Variants in TMC7 observed in about 807,000 individuals in gnomAD.
TMC7 encodes transmembrane channel-like protein 7.
TMC7 carries 54 observed loss-of-function variants against 82.9 expected under a neutral mutation model. The ratio of observed to expected loss-of-function variants is 0.65; its 90% CI spans 0.52 to 0.82. The LOEUF (loss-of-function observed/expected upper bound fraction) is 0.82. Among genes scored for constraint, TMC7 ranks in the 40% least tolerant of loss-of-function variants. The pLI is 0.00. For synonymous variants in TMC7, 350 were observed against 337.9 expected, an observed-to-expected ratio of 1.04 and a Z score of -0.39; for missense variants, 820 against 901.2, an observed-to-expected ratio of 0.91 and a Z score of 1.15.
At chr16:19,060,873 A>C (rs1961974662) in intron 15 of TMC7, among the ~76,000 whole-genome samples, 2 of 145,140 alleles carry the variant, frequency 1.4e-5, no homozygotes, top group African/African-American at 2.6e-5. Flanking sequence ...TGCAACCTCC[A>C]CCTCCCGGGT....
intron 5 of TMC7, 37 bp downstream of exon 5, chr16:19,023,232 A>G (rs762196923): frequency 2.5e-5 from 34 of 1,356,558 alleles, no homozygotes; most frequent in Non-Finnish European, 3.2e-5. Context: ...TAGCTCCTCA[A>G]TCTACTAAAA....
rs1473419338 is a variant in TMC7, at chr16:18,998,805, C to A, written c.68-10367C>A. ...TTGAGGGCTTGAGTTCCAGGCCCAGCAGCAGCTCTTATGATGGAGTTAGTC... is the reference window on the plus strand; with the variant it reads ...TTGAGGGCTTGAGTTCCAGGCCCAGAAGCAGCTCTTATGATGGAGTTAGTC... On this transcript the variant is annotated intron_variant, in intron 1 of 15. Coordinates refer to ENST00000304381, the MANE Select transcript of TMC7 (RefSeq NM_024847.4). Among the ~76,000 whole-genome samples the A allele has an allele frequency of 2.6e-5, 4 of 152,024 alleles. No homozygotes were observed. In the East Asian group the frequency reaches 7.8e-4, roughly 29 times the overall value.
chr16:19,050,873 A>T (rs1232185985), intron 12 of TMC7, among the ~76,000 whole-genome samples: 1 of 151,978 alleles, frequency 6.6e-6, no homozygotes, highest in African/African-American at 2.4e-5. Flanking sequence ...TAACCTAATG[A>T]ACTCCTGCTC....
At chr16:19,060,182 A>C (rs891559624) in intron 15 of TMC7, among the ~76,000 whole-genome samples, 3 of 152,042 alleles carry the variant, frequency 2.0e-5, no homozygotes, top group Admixed American at 6.6e-5. Context: ...CGGCTGTAGA[A>C]GGCTTCTTTG....
At chr16:19,031,076 C>T (rs1469863057) in intron 6 of TMC7, among the ~76,000 whole-genome samples, 2 of 152,110 alleles carry the variant, frequency 1.3e-5, no homozygotes, top group Non-Finnish European at 2.9e-5. Flanking sequence ...AAAGATGGAG[C>T]CATGGCTTAG....
chr16:18,987,663 CCCTAGAA>C (rs1567495306), intron 1 of TMC7, among the ~76,000 whole-genome samples: 2 of 152,142 alleles, frequency 1.3e-5, no homozygotes, highest in African/African-American at 4.8e-5. Flanking sequence ...TGCCTTGTTT[CCCTAGAA>C]CCTAGAATGG....
intron 12 of TMC7, among the ~76,000 whole-genome samples, chr16:19,050,387 A>G (rs1316331331): frequency 6.6e-6 from 1 of 151,488 alleles, no homozygotes; most frequent in Non-Finnish European, 1.5e-5. Flanking sequence ...AAAAAAAAAA[A>G]AAAAACCAAA....
At chr16:18,991,412 G>A (rs1050175414) in intron 1 of TMC7, among the ~76,000 whole-genome samples, 4 of 152,048 alleles carry the variant, frequency 2.6e-5, no homozygotes, top group Admixed American at 1.3e-4. Context: ...CTATCCTTGA[G>A]TTTTTTTATG....
chr16:19,023,083 C>A, intron 4 of TMC7, 30 bp from the exon 5 acceptor site: 1 of 1,439,062 alleles, frequency 6.9e-7, no homozygotes, highest in South Asian at 1.2e-5. Flanking sequence ...AAACTGTTTC[C>A]ACTGACATTC....
chr16:19,045,282 C>A (rs75911640), intron 10 of TMC7, 59 bp from the exon 11 acceptor site: 4 of 1,387,388 alleles, frequency 2.9e-6, no homozygotes, highest in Non-Finnish European at 4.1e-6. Context: ...GTCTTGGGAG[C>A]CTGGTTTTCT....
At chr16:19,040,064 C>T (rs915959597) in intron 8 of TMC7, among the ~76,000 whole-genome samples, 2 of 133,412 alleles carry the variant, frequency 1.5e-5, no homozygotes, top group African/African-American at 2.7e-5. Context: ...TGCAGTGAGC[C>T]GAGATTATGT....
chr16:19,058,548 C>A (rs1340080375), intron 14 of TMC7, among the ~76,000 whole-genome samples: 1 of 152,142 alleles, frequency 6.6e-6, no homozygotes, highest in Admixed American at 6.5e-5. Context: ...TCAACCATGT[C>A]ATTCTCTCTC....
At chr16:19,060,788 C>A (rs1223132588) in intron 15 of TMC7, among the ~76,000 whole-genome samples, 1 of 124,612 alleles carries the variant, frequency 8.0e-6, no homozygotes, top group African/African-American at 3.3e-5. Flanking sequence ...GTCTACTGTG[C>A]ATTTTTTTTT....
intron 14 of TMC7, 89 bp from the exon 15 acceptor site, chr16:19,059,327 C>G: frequency 6.4e-7 from 1 of 1,553,672 alleles, no homozygotes; most frequent in Non-Finnish European, 8.7e-7. Flanking sequence ...AAGAGTAAAA[C>G]TGTTCCAAGG....
At chr16:19,045,131 C>T in intron 10 of TMC7, 130 bp downstream of exon 10, 1 of 892,604 alleles carries the variant, frequency 1.1e-6, no homozygotes, top group Non-Finnish European at 1.8e-6. Flanking sequence ...AGTGATGAGA[C>T]AGAGTCTGGC....
intron 2 of TMC7, 48 bp from the exon 3 acceptor site, chr16:19,016,402 C>A (rs750312853): frequency 6.2e-7 from 1 of 1,609,576 alleles, no homozygotes; most frequent in South Asian, 1.1e-5. Flanking sequence ...GATGCTGAGT[C>A]TTGATGCTGC....
chr16:19,054,101 C>A (rs1961662163), intron 13 of TMC7, among the ~76,000 whole-genome samples: 1 of 152,008 alleles, frequency 6.6e-6, no homozygotes, highest in South Asian at 2.1e-4. Context: ...TATTTTTATC[C>A]CTACATAAAG....
intron 5 of TMC7, among the ~76,000 whole-genome samples, chr16:19,025,287 T>C (rs1393575654): frequency 6.6e-6 from 1 of 152,142 alleles, no homozygotes; most frequent in Non-Finnish European, 1.5e-5. Flanking sequence ...AGTATTTTTA[T>C]TTTTTCAGAA....
chr16:19,009,953 AAAAAG>A (rs1034111339), intron 2 of TMC7, among the ~76,000 whole-genome samples: 1 of 151,228 alleles, frequency 6.6e-6, no homozygotes. Context: ...AAAAAAAAAA[AAAAAG>A]AAGTTTCTTT....
Sources: gnomAD v4.1 joint callset for allele counts (sites outside exome capture counted in the v4.1 genomes callset) on GRCh38, gnomAD v4.1.1 for gene constraint, MANE v1.5 for transcripts, NCBI Gene and HGNC (gene_info 2026-07-23, HGNC 2026-07-21) for gene names.